The following MACO1 variants were observed in gnomAD, a reference collection of about 807,000 sequenced individuals.
MACO1 encodes macoilin 1.
A neutral mutation model predicts 78.7 loss-of-function variants in MACO1; 14 were observed. That is an observed-to-expected ratio of 0.18 (90% CI 0.12 to 0.28). MACO1 has a LOEUF of 0.28. Among genes scored for constraint, MACO1 ranks in the 10% least tolerant of loss-of-function variants. MACO1 has a pLI of 1.00. For missense variants in MACO1, 501 were observed against 799.0 expected (o/e 0.63, Z 4.50); for synonymous variants, 288 against 291.6 (o/e 0.99, Z 0.12).
chr1:25,454,462 G>GGGTTTATATATA, intron 4 of MACO1, 80 bp downstream of exon 4: 1 of 191,356 alleles, frequency 5.2e-6, no homozygotes, highest in Non-Finnish European at 7.3e-6. Flanking sequence ...GTGTGTGTGT[G>GGGTTTATATATA]TGTGTGTGTA....
rs2043144510 is a variant in MACO1 at position 25,458,656 on chromosome 1, A to G, written c.918A>G (p.Thr306=). The G allele has an allele frequency of 1.9e-6, 3 of 1,614,180 alleles. No individual in the cohort carries two copies. The highest frequency in any genetic ancestry group is 1.1e-5 in the South Asian group (1 of 91,084). ...TAAATAATGATCTTGTGGGAAGTAC[A>G]GAAAATCTCTTGAAAGAGGACTCAT... is the stretch of plus-strand genomic sequence containing the variant. ...KRLNNDLVGS[T]ENLLKEDSCT... is the part of the protein sequence containing the mutation. Residue 306 remains threonine, a synonymous_variant, in exon 6 of 11, where the codon ACA becomes ACG. Coordinates refer to ENST00000374343, the MANE Select transcript of MACO1 (RefSeq NM_018202.6).
chr1:25,442,645 G>C (rs561255360), intron 1 of MACO1, among the ~76,000 whole-genome samples: 9 of 152,240 alleles, frequency 5.9e-5, no homozygotes, highest in African/African-American at 2.2e-4. Context: ...TTAATCTATG[G>C]ATGGAGAGTA....
At position 25,489,116 on chromosome 1, in the gene MACO1, C is replaced by T. The variant is rs975882505; in HGVS notation, c.1497-57C>T. On this transcript the variant is annotated intron_variant, in intron 8 of 10. Transcript: ENST00000374343. ...GATTACAGGCCTGAGTCACAGGGCCCAGCCCCAACCTATAGTCTTTTAAAT... is the reference window on the plus strand; with the variant it reads ...GATTACAGGCCTGAGTCACAGGGCCTAGCCCCAACCTATAGTCTTTTAAAT... The T allele has an allele frequency of 3.8e-5, 60 of 1,565,448 alleles. 1 individual carries two copies. In the Middle Eastern group the frequency reaches 8.4e-4, roughly 22 times the overall value.
chr1:25,444,714 G>A (rs1416695149), intron 1 of MACO1, among the ~76,000 whole-genome samples: 1 of 151,832 alleles, frequency 6.6e-6, no homozygotes, highest in African/African-American at 2.4e-5. Flanking sequence ...AGCCTTCTGA[G>A]TAGCTGGGAC....
chr1:25,458,618 A>C lies in MACO1; in HGVS notation c.880A>C (p.Asn294His). The change falls in exon 6 of 11, where the codon AAT becomes CAT. Residue 294 changes from asparagine to histidine, a missense_variant. This residue lies in a region of MACO1 where 90 missense variants were observed against 85.7 expected (regional missense o/e 1.05). Transcript: ENST00000374343. ...QEIEYMENHI[N>H]SKRLNNDLVG... ...GATTGAGTATATGGAAAACCATATC[A>C]ATAGTAAAAGATTAAATAATGATCT... 2 of 1,614,030 alleles carry C rather than the reference A, an allele frequency of 1.2e-6. No individual in the cohort carries two copies. The highest frequency in any genetic ancestry group is 1.7e-6 in the Non-Finnish European group (2 of 1,179,956).
chr1:25,436,371 TA>T (rs1378956612), intron 1 of MACO1, among the ~76,000 whole-genome samples: 7 of 152,208 alleles, frequency 4.6e-5, no homozygotes, highest in Non-Finnish European at 1.0e-4. Flanking sequence ...GGAGGGCAAG[TA>T]GAAATTTCAC....
intron 1 of MACO1, among the ~76,000 whole-genome samples, chr1:25,432,539 G>A (rs909758296): frequency 3.3e-5 from 5 of 152,172 alleles, no homozygotes; most frequent in African/African-American, 1.2e-4. Flanking sequence ...TGGATGAATC[G>A]AACTTGACCA....
At chr1:25,488,776 C>T (rs2043457233) in intron 8 of MACO1, among the ~76,000 whole-genome samples, 1 of 152,050 alleles carries the variant, frequency 6.6e-6, no homozygotes, top group Non-Finnish European at 1.5e-5. Flanking sequence ...TGAGCCACTG[C>T]ACTCGGCCAA....
At chr1:25,452,264 T>G (rs1557662118) in intron 3 of MACO1, among the ~76,000 whole-genome samples, 1 of 152,180 alleles carries the variant, frequency 6.6e-6, no homozygotes, top group Non-Finnish European at 1.5e-5. Flanking sequence ...GGTCACTGAT[T>G]TTTTCCCCCT....
chr1:25,466,505 G>T (rs2043220629), intron 6 of MACO1, among the ~76,000 whole-genome samples: 1 of 152,050 alleles, frequency 6.6e-6, no homozygotes, highest in African/African-American at 2.4e-5. Flanking sequence ...TAGAGATGGG[G>T]TTTCTCCATG....
chr1:25,433,863 A>C (rs1450775673), intron 1 of MACO1, among the ~76,000 whole-genome samples: 1 of 152,244 alleles, frequency 6.6e-6, no homozygotes, highest in Non-Finnish European at 1.5e-5. Flanking sequence ...TGTTGCTATC[A>C]CAGTTTAACG....
chr1:25,493,628 C>CT (rs2043508367), intron 10 of MACO1, among the ~76,000 whole-genome samples: 1 of 150,838 alleles, frequency 6.6e-6, no homozygotes, highest in South Asian at 2.1e-4. Context: ...ATTTGAAACT[C>CT]TTATTTTCCA....
At chr1:25,470,910 C>T (rs937723869) in intron 6 of MACO1, among the ~76,000 whole-genome samples, 2 of 152,010 alleles carry the variant, frequency 1.3e-5, no homozygotes, top group African/African-American at 4.8e-5. Flanking sequence ...TGCCTGTAGT[C>T]CCAGCTACTC....
At chr1:25,454,184 T>C (rs1166703573) in intron 3 of MACO1, 75 bp from the exon 4 acceptor site, 1 of 1,376,450 alleles carries the variant, frequency 7.3e-7, no homozygotes, top group Non-Finnish European at 9.5e-7. Context: ...TGTCGTCAAA[T>C]TAGTCTCCCA....
intron 1 of MACO1, 147 bp downstream of exon 1, chr1:25,431,325 C>A: frequency 2.8e-6 from 1 of 353,792 alleles, no homozygotes; most frequent in Non-Finnish European, 4.5e-6. Flanking sequence ...GAGCCGCTGG[C>A]CCGCCCGCCG....
At chr1:25,438,557 C>G (rs2042939959) in intron 1 of MACO1, among the ~76,000 whole-genome samples, 1 of 152,144 alleles carries the variant, frequency 6.6e-6, no homozygotes, top group Non-Finnish European at 1.5e-5. Context: ...AGTGTAAATT[C>G]TATGTGGAAC....
At chr1:25,478,589 T>G (rs1166398613) in intron 6 of MACO1, among the ~76,000 whole-genome samples, 1 of 152,220 alleles carries the variant, frequency 6.6e-6, no homozygotes, top group African/African-American at 2.4e-5. Flanking sequence ...AAAGTGCTGC[T>G]GTATGGGTCC....
intron 6 of MACO1, among the ~76,000 whole-genome samples, chr1:25,480,914 A>AC (rs2043366540): frequency 7.5e-5 from 1 of 13,380 alleles, no homozygotes; most frequent in Non-Finnish European, 1.6e-4. Context: ...AGACTTGGTT[A>AC]AAAAAAAAAA....
At chr1:25,488,913 G>A (rs2043459033) in intron 8 of MACO1, among the ~76,000 whole-genome samples, 1 of 152,148 alleles carries the variant, frequency 6.6e-6, no homozygotes, top group South Asian at 2.1e-4. Flanking sequence ...CACCTCCTGG[G>A]TTCAAGCAAT....
Sources: gnomAD v4.1 joint callset for allele counts (sites outside exome capture counted in the v4.1 genomes callset) on GRCh38, gnomAD v4.1.1 for gene constraint, gnomAD v4.1.1 regional missense constraint, MANE v1.5 for transcripts, NCBI Gene and HGNC (gene_info 2026-07-23, HGNC 2026-07-21) for gene names.